CDH7: variants seen among roughly 807,000 people sequenced by gnomAD.
CDH7 encodes cadherin 7, also known as cadherin-7.
A neutral mutation model predicts 71.8 loss-of-function variants in CDH7; 25 were observed. That is an observed-to-expected ratio of 0.35 (90% CI 0.25 to 0.49). The LOEUF (loss-of-function observed/expected upper bound fraction) is 0.49. Among genes scored for constraint, CDH7 ranks in the 20% least tolerant of loss-of-function variants. CDH7 has a pLI of 0.99. For missense variants in CDH7, 862 were observed against 974.6 expected (o/e 0.88, Z 1.54); for synonymous variants, 381 against 363.8 (o/e 1.05, Z -0.54).
intron 7 of CDH7, among the ~76,000 whole-genome samples, chr18:65,847,271 T>G (rs1247927781): frequency 6.6e-6 from 1 of 152,162 alleles, no homozygotes; most frequent in East Asian, 1.9e-4. Flanking sequence ...CTTTACACCT[T>G]TAGCAATATT....
At chr18:65,798,333 T>G (rs556952245) in intron 2 of CDH7, among the ~76,000 whole-genome samples, 12 of 152,344 alleles carry the variant, frequency 7.9e-5, no homozygotes, top group African/African-American at 2.4e-4. Flanking sequence ...TTCAGTGGCT[T>G]CTTCTTCTGA....
intron 2 of CDH7, among the ~76,000 whole-genome samples, chr18:65,777,935 G>C (rs1910009702): frequency 6.6e-6 from 1 of 152,094 alleles, no homozygotes; most frequent in African/African-American, 2.4e-5. Context: ...TGATCTACAA[G>C]AAAATGCTAA....
chr18:65,821,357 TA>T (rs1454121414), intron 4 of CDH7, among the ~76,000 whole-genome samples: 16 of 152,282 alleles, frequency 1.1e-4, no homozygotes, highest in African/African-American at 3.6e-4. Context: ...AATTTGTATA[TA>T]TTTTTTTCAT....
At chr18:65,862,009 A>G (rs1241208153) in intron 10 of CDH7, among the ~76,000 whole-genome samples, 1 of 152,152 alleles carries the variant, frequency 6.6e-6, no homozygotes, top group Non-Finnish European at 1.5e-5. Context: ...ACTTGTTTAA[A>G]GTTCATAATT....
rs192293051 is a variant in CDH7, at chr18:65,800,095, T to A, written c.211-9609T>A. ...ACATTTTCTTTTTACTTTTTATTTT[T>A]TTGAGACGAAGTCTTATTCTGTCGC... On this transcript the variant is annotated intron_variant, in intron 2 of 11. Transcript: ENST00000397968. Among the ~76,000 whole-genome samples, 286 of 152,320 alleles carry A rather than the reference T, an allele frequency of 1.9e-3. 1 individual carries two copies. The highest frequency in any genetic ancestry group is 6.5e-3 in the African/African-American group (270 of 41,578).
intron 6 of CDH7, among the ~76,000 whole-genome samples, chr18:65,842,059 C>T (rs570585592): frequency 6.6e-6 from 1 of 152,202 alleles, no homozygotes; most frequent in East Asian, 1.9e-4. Context: ...TCAAGAAAAA[C>T]AATATACTTG....
intron 2 of CDH7, among the ~76,000 whole-genome samples, chr18:65,778,132 C>T (rs965498090): frequency 1.3e-5 from 2 of 151,900 alleles, no homozygotes; most frequent in African/African-American, 2.4e-5. Context: ...ATTAGCTGGG[C>T]GTGGTGACAC....
intron 2 of CDH7, among the ~76,000 whole-genome samples, chr18:65,794,234 C>A (rs1910824735): frequency 6.6e-6 from 1 of 151,476 alleles, no homozygotes; most frequent in African/African-American, 2.4e-5. Context: ...TGAGACCATA[C>A]CATTGAACAT....
intron 2 of CDH7, among the ~76,000 whole-genome samples, chr18:65,795,710 A>G (rs577603283): frequency 6.6e-5 from 10 of 152,292 alleles, no homozygotes; most frequent in African/African-American, 1.9e-4. Flanking sequence ...TGAAGATTGC[A>G]TGTTCAGGTA....
chr18:65,774,795 C>G (rs1037956068), intron 2 of CDH7, among the ~76,000 whole-genome samples: 1 of 151,944 alleles, frequency 6.6e-6, no homozygotes, highest in Non-Finnish European at 1.5e-5. Context: ...TGAATATCAC[C>G]ATCTCTCTAA....
intron 2 of CDH7, among the ~76,000 whole-genome samples, chr18:65,805,443 G>A (rs532528585): frequency 6.6e-6 from 1 of 152,286 alleles, no homozygotes; most frequent in African/African-American, 2.4e-5. Flanking sequence ...TGGGACTCAT[G>A]CCTAGAATTT....
At chr18:65,754,560 C>T (rs2143769305) in intron 1 of CDH7, among the ~76,000 whole-genome samples, 1 of 152,208 alleles carries the variant, frequency 6.6e-6, no homozygotes, top group East Asian at 1.9e-4. Flanking sequence ...AAATGGTATA[C>T]AGATGAAACA....
chr18:65,786,594 T>C (rs1599005253), intron 2 of CDH7, among the ~76,000 whole-genome samples: 1 of 152,210 alleles, frequency 6.6e-6, no homozygotes, highest in East Asian at 1.9e-4. Flanking sequence ...AAAATGATGT[T>C]GTAAAAGGAT....
intron 6 of CDH7, among the ~76,000 whole-genome samples, chr18:65,836,329 C>T (rs184891104): frequency 4.6e-5 from 7 of 152,042 alleles, no homozygotes; most frequent in Admixed American, 1.3e-4. Context: ...GGAAGACACT[C>T]GTTAACTAAG....
At chr18:65,812,716 A>G (rs1440594779) in intron 3 of CDH7, among the ~76,000 whole-genome samples, 1 of 152,156 alleles carries the variant, frequency 6.6e-6, no homozygotes, top group East Asian at 1.9e-4. Flanking sequence ...GTGTGTGTCT[A>G]TATGTGTTAA....
intron 6 of CDH7, among the ~76,000 whole-genome samples, chr18:65,827,836 G>C (rs1048456367): frequency 2.6e-5 from 4 of 151,804 alleles, no homozygotes; most frequent in African/African-American, 7.3e-5. Context: ...TAGGATGCAT[G>C]GGTGTTAAGA....
chr18:65,837,596 G>C (rs1159222234), intron 6 of CDH7, among the ~76,000 whole-genome samples: 1 of 152,078 alleles, frequency 6.6e-6, no homozygotes, highest in African/African-American at 2.4e-5. Flanking sequence ...ATTTTTAAAA[G>C]ATTTACATAT....
intron 4 of CDH7, 32 bp from the exon 5 acceptor site, chr18:65,822,049 G>C (rs1911949088): frequency 1.3e-6 from 2 of 1,556,496 alleles, no homozygotes; most frequent in Non-Finnish European, 1.8e-6. Flanking sequence ...AGTGATTCAT[G>C]ATGAGTTTTA....
At chr18:65,773,629 C>G (rs1179834387) in intron 2 of CDH7, among the ~76,000 whole-genome samples, 4 of 152,040 alleles carry the variant, frequency 2.6e-5, no homozygotes, top group African/African-American at 9.7e-5. Flanking sequence ...ATAGGAACAA[C>G]AATACTAACC....
Sources: gnomAD v4.1 joint callset for allele counts (sites outside exome capture counted in the v4.1 genomes callset) on GRCh38, gnomAD v4.1.1 for gene constraint, MANE v1.5 for transcripts, NCBI Gene and HGNC (gene_info 2026-07-23, HGNC 2026-07-21) for gene names.